The following ELAVL2 variants were observed in gnomAD, a reference collection of about 807,000 sequenced individuals.
The protein encoded by ELAVL2 is ELAV like RNA binding protein 2, also known as ELAV-like protein 2.
In ELAVL2, 4 loss-of-function variants were observed where a neutral mutation model predicts 34.6. That is an observed-to-expected ratio of 0.12 (90% CI 0.06 to 0.26). ELAVL2 has a LOEUF of 0.26. Ranked by LOEUF, ELAVL2 falls within the 10% of genes least tolerant of loss-of-function variation. ELAVL2 has a pLI of 1.00. For missense variants in ELAVL2, 432 were observed against 442.8 expected (o/e 0.98, Z 0.22); for synonymous variants, 193 against 154.8 (o/e 1.25, Z -1.83).
chr9:23,720,650 C>A (rs752817461), intron 3 of ELAVL2, among the ~76,000 whole-genome samples: 1 of 152,164 alleles, frequency 6.6e-6, no homozygotes, highest in African/African-American at 2.4e-5. Flanking sequence ...AAATCCAGCA[C>A]TATATTCATT....
chr9:23,820,789 C>G (rs1331230612), intron 1 of ELAVL2, among the ~76,000 whole-genome samples: 1 of 152,248 alleles, frequency 6.6e-6, no homozygotes, highest in Non-Finnish European at 1.5e-5. Context: ...GGAGGAGCAG[C>G]TGCCGCAACC....
chr9:23,803,636 T>C (rs916048852), intron 1 of ELAVL2, among the ~76,000 whole-genome samples: 5 of 152,246 alleles, frequency 3.3e-5, no homozygotes, highest in African/African-American at 1.2e-4. Context: ...TGTTCCTGTA[T>C]GGATTTCAGT....
At chr9:23,761,860 T>C in intron 2 of ELAVL2, 146 bp downstream of exon 2, 1 of 1,161,718 alleles carries the variant, frequency 8.6e-7, no homozygotes, top group Non-Finnish European at 1.2e-6. Context: ...TTAAACTAAG[T>C]TTCATATTGC....
At chr9:23,726,235 T>C (rs972722641) in intron 3 of ELAVL2, among the ~76,000 whole-genome samples, 3 of 152,094 alleles carry the variant, frequency 2.0e-5, no homozygotes, top group Admixed American at 6.6e-5. Context: ...AAAAAATAGA[T>C]AATACTATTT....
the ELAVL2 span, among the ~76,000 whole-genome samples, chr9:23,836,611 T>C: frequency 6.6e-6 from 1 of 152,260 alleles, no homozygotes; most frequent in Admixed American, 6.5e-5. Context: ...TGTTCAGTCC[T>C]CGCTTTTAAA....
chr9:23,834,575 T>C, the ELAVL2 span, among the ~76,000 whole-genome samples: 1 of 152,042 alleles, frequency 6.6e-6, no homozygotes, highest in Non-Finnish European at 1.5e-5. Flanking sequence ...GTAACTACAA[T>C]TATGAGAACA....
At chr9:23,741,701 T>C (rs1043651570) in intron 2 of ELAVL2, among the ~76,000 whole-genome samples, 7 of 152,156 alleles carry the variant, frequency 4.6e-5, no homozygotes, top group Admixed American at 3.9e-4. Flanking sequence ...TAATGCCAAT[T>C]AGACCTTCAG....
chr9:23,735,549 G>C (rs950636221), intron 2 of ELAVL2: 1 of 152,250 alleles, frequency 6.6e-6, no homozygotes, highest in Non-Finnish European at 1.5e-5. Context: ...AATGTGCTGG[G>C]ATTACAGGCG....
chr9:23,711,651 C>A (rs2040992415), intron 3 of ELAVL2, among the ~76,000 whole-genome samples: 1 of 152,212 alleles, frequency 6.6e-6, no homozygotes. Flanking sequence ...CTCTCCACTA[C>A]AGTCTGAGTT....
intron 2 of ELAVL2, among the ~76,000 whole-genome samples, chr9:23,755,031 C>A (rs2135739267): frequency 6.6e-6 from 1 of 152,204 alleles, no homozygotes; most frequent in Non-Finnish European, 1.5e-5. Flanking sequence ...TGAACGCTTC[C>A]CCATGATTTC....
chr9:23,715,627 C>G (rs528744292), intron 3 of ELAVL2, among the ~76,000 whole-genome samples: 1 of 152,312 alleles, frequency 6.6e-6, no homozygotes, highest in South Asian at 2.1e-4. Context: ...AGTATTCTTT[C>G]AAGATTCTGA....
chr9:23,702,605 G>A (rs2037674037), intron 4 of ELAVL2, among the ~76,000 whole-genome samples: 1 of 151,064 alleles, frequency 6.6e-6, no homozygotes, highest in South Asian at 2.1e-4. Context: ...AAAGAAAGAA[G>A]GTCTACTTGC....
intron 3 of ELAVL2, among the ~76,000 whole-genome samples, chr9:23,728,006 T>G (rs750487940): frequency 4.6e-5 from 7 of 152,056 alleles, no homozygotes; most frequent in Non-Finnish European, 1.0e-4. Flanking sequence ...TTCTGTACCT[T>G]TCTAAAGTAA....
At chr9:23,820,874 C>T (rs996695822) in intron 1 of ELAVL2, among the ~76,000 whole-genome samples, 1 of 152,240 alleles carries the variant, frequency 6.6e-6, no homozygotes, top group East Asian at 1.9e-4. Flanking sequence ...GCGCACGCCT[C>T]GCGCGCAAAC....
chr9:23,794,940 A>T (rs2060734878), intron 1 of ELAVL2, among the ~76,000 whole-genome samples: 1 of 152,222 alleles, frequency 6.6e-6, no homozygotes, highest in Non-Finnish European at 1.5e-5. Context: ...AAGCTAAAGA[A>T]GATGAACACT....
chr9:23,762,926 T>C (rs1057059160), intron 1 of ELAVL2, among the ~76,000 whole-genome samples: 2 of 152,060 alleles, frequency 1.3e-5, no homozygotes, highest in African/African-American at 2.4e-5. Flanking sequence ...TATGAATACT[T>C]TGTCTAACTG....
In ELAVL2 at chr9:23,782,373, A is replaced by G. The variant is rs1290175468; in HGVS notation, c.-15-20124T>C. Reference sequence around the variant, plus strand: ...AACATGGTGAAACCCCAGCTCTACTAAAAATACAAAAATTAAAAATACAAA... The same window carrying G: ...AACATGGTGAAACCCCAGCTCTACTGAAAATACAAAAATTAAAAATACAAA... On this transcript the variant is annotated intron_variant, in intron 1 of 6. Transcript: ENST00000397312. Among the ~76,000 whole-genome samples, 5 of 152,136 alleles carry G rather than the reference A, an allele frequency of 3.3e-5. No individual in the cohort carries two copies. The East Asian group carries it at 5.8e-4, about 18-fold the overall frequency.
At chr9:23,736,541 A>T (rs1369442423) in intron 2 of ELAVL2, among the ~76,000 whole-genome samples, 7 of 152,168 alleles carry the variant, frequency 4.6e-5, no homozygotes. Flanking sequence ...CCTATCCTGC[A>T]GGTAACATTT....
chr9:23,745,561 C>G (rs538108047), intron 2 of ELAVL2, among the ~76,000 whole-genome samples: 1 of 152,192 alleles, frequency 6.6e-6, no homozygotes, highest in African/African-American at 2.4e-5. Context: ...AAAAAACATA[C>G]TGTAATAAAG....
Sources: allele counts gnomAD v4.1 joint callset (sites outside exome capture counted in the v4.1 genomes callset), GRCh38; gene constraint gnomAD v4.1.1; transcripts MANE v1.5; gene names NCBI Gene and HGNC (gene_info 2026-07-23, HGNC 2026-07-21).